SLC7A14: variants seen among roughly 807,000 people sequenced by gnomAD.
The protein encoded by SLC7A14 is gamma-aminobutyric acid transporter SLC7A14.
In SLC7A14, 37 loss-of-function variants were observed where a neutral mutation model predicts 60.2. The ratio of observed to expected loss-of-function variants is 0.61; its 90% CI spans 0.47 to 0.81. SLC7A14 has a LOEUF of 0.81. Among genes scored for constraint, SLC7A14 ranks in the 30% least tolerant of loss-of-function variants. The probability of loss-of-function intolerance (pLI) is 0.00; values close to 1 mark genes in which losing one functional copy is unlikely to be tolerated. For missense variants in SLC7A14, 886 were observed against 982.7 expected (o/e 0.90, Z 1.32); for synonymous variants, 399 against 395.8 (o/e 1.01, Z -0.10).
chr3:170,483,568 A>G, intron 5 of SLC7A14, 46 bp from the exon 6 acceptor site: 1 of 1,605,158 alleles, frequency 6.2e-7, no homozygotes, highest in Non-Finnish European at 8.5e-7. Context: ...GGGGAAGAAC[A>G]GCATGGATAG....
chr3:170,579,570 G>A (rs965941500), intron 1 of SLC7A14, among the ~76,000 whole-genome samples: 1 of 152,216 alleles, frequency 6.6e-6, no homozygotes, highest in African/African-American at 2.4e-5. Context: ...AATAGAATGA[G>A]CTGTTTTTCT....
chr3:170,511,629 A>G (rs1468835246), intron 2 of SLC7A14, among the ~76,000 whole-genome samples: 1 of 152,180 alleles, frequency 6.6e-6, no homozygotes, highest in African/African-American at 2.4e-5. Context: ...GGAATCCCAG[A>G]GAGCTTTACT....
chr3:170,552,891 C>G (rs77661332), intron 1 of SLC7A14, among the ~76,000 whole-genome samples: 163 of 152,296 alleles, frequency 1.1e-3, no homozygotes, highest in Non-Finnish European at 2.0e-3. Flanking sequence ...AGCTTGATCA[C>G]CTTCCAAATC....
rs1460955564 is a variant in SLC7A14 at position 170,540,406 on chromosome 3, A to G, written c.-152-13318T>C. On this transcript the variant is annotated intron_variant, in intron 1 of 7. Coordinates refer to ENST00000231706, the MANE Select transcript of SLC7A14 (RefSeq NM_020949.3). ...AATCAGAGCAGTGAAAATCTCATAAATCATAGAGGATGCAACATAAAAGGT... is the reference window on the plus strand; with the variant it reads ...AATCAGAGCAGTGAAAATCTCATAAGTCATAGAGGATGCAACATAAAAGGT... 4.6e-5 allele frequency among the ~76,000 whole-genome samples: 7 copies of G among 151,908 alleles called. No individual in the cohort carries two copies. In the South Asian group the frequency reaches 1.5e-3, roughly 32 times the overall value.
intron 1 of SLC7A14, among the ~76,000 whole-genome samples, chr3:170,559,231 AT>A (rs538044392): frequency 1.3e-5 from 2 of 152,084 alleles, no homozygotes; most frequent in Non-Finnish European, 1.5e-5. Flanking sequence ...TATAAAATGT[AT>A]TTTTTTTCTG....
chr3:170,572,350 C>A (rs534926632), intron 1 of SLC7A14, among the ~76,000 whole-genome samples: 146 of 152,224 alleles, frequency 9.6e-4, no homozygotes, highest in African/African-American at 3.3e-3. Context: ...GAACTTGGGC[C>A]AGTCATTCAA....
At chr3:170,498,624 CAG>C in intron 4 of SLC7A14, 41 bp downstream of exon 4, 1 of 1,588,434 alleles carries the variant, frequency 6.3e-7, no homozygotes, top group East Asian at 2.2e-5. Context: ...GGGTAGAAGG[CAG>C]AGTGTGTGAC....
At chr3:170,505,450 A>G (rs1235910671) in intron 2 of SLC7A14, among the ~76,000 whole-genome samples, 1 of 152,164 alleles carries the variant, frequency 6.6e-6, no homozygotes, top group Non-Finnish European at 1.5e-5. Context: ...CACACTCAGG[A>G]CATATTTATT....
At chr3:170,573,197 G>T (rs1045767866) in intron 1 of SLC7A14, among the ~76,000 whole-genome samples, 4 of 152,170 alleles carry the variant, frequency 2.6e-5, no homozygotes, top group African/African-American at 9.7e-5. Context: ...AACAGAATTA[G>T]CACAAAATAC....
intron 1 of SLC7A14, among the ~76,000 whole-genome samples, chr3:170,542,295 T>C (rs2108300554): frequency 6.6e-6 from 1 of 152,348 alleles, no homozygotes; most frequent in Middle Eastern, 3.4e-3. Context: ...TCTCCTCTCA[T>C]TGACTCTCCC....
intron 1 of SLC7A14, among the ~76,000 whole-genome samples, chr3:170,538,781 T>A (rs996504282): frequency 2.0e-5 from 3 of 152,202 alleles, no homozygotes; most frequent in Admixed American, 6.5e-5. Context: ...AAGAAGTGAG[T>A]GACCATCCAA....
At chr3:170,582,118 G>A (rs1167577958) in intron 1 of SLC7A14, among the ~76,000 whole-genome samples, 1 of 152,148 alleles carries the variant, frequency 6.6e-6, no homozygotes, top group African/African-American at 2.4e-5. Context: ...AGTAAGACAT[G>A]CACACTCCTT....
chr3:170,488,409 C>G (rs1712105602), intron 4 of SLC7A14, among the ~76,000 whole-genome samples: 1 of 152,004 alleles, frequency 6.6e-6, no homozygotes, highest in African/African-American at 2.4e-5. Context: ...TAGATCTCAC[C>G]TCATCATACA....
intron 4 of SLC7A14, among the ~76,000 whole-genome samples, chr3:170,490,416 A>G (rs1265876048): frequency 6.6e-6 from 1 of 152,236 alleles, no homozygotes; most frequent in Non-Finnish European, 1.5e-5. Flanking sequence ...ACATGCATAC[A>G]TACCCTCCTC....
rs1052854480 is a variant in SLC7A14 at position 170,585,508 on chromosome 3, G to C, written c.-153+403C>G. Among the ~76,000 whole-genome samples the C allele has an allele frequency of 6.6e-6, 1 of 152,150 alleles. No individual in the cohort carries two copies. The highest frequency in any genetic ancestry group is 2.4e-5 in the African/African-American group (1 of 41,448). On this transcript the variant is annotated intron_variant, in intron 1 of 7. Transcript: ENST00000231706. This position sits in a 1 kb window ranked among gnomAD's most constrained non-coding sequence, Gnocchi z 5.1. ...GCCCGTGCGGGGTGCGCGCCAAGGCGGGGGACAGGACGGGCCCGGCGTCTG... is the reference window on the plus strand; with the variant it reads ...GCCCGTGCGGGGTGCGCGCCAAGGCCGGGGACAGGACGGGCCCGGCGTCTG...
chr3:170,469,560 C>T (rs1340081344), intron 7 of SLC7A14, among the ~76,000 whole-genome samples: 1 of 152,212 alleles, frequency 6.6e-6, no homozygotes, highest in East Asian at 1.9e-4. Context: ...CACATTAAGG[C>T]CTCTTCTAAG....
intron 1 of SLC7A14, among the ~76,000 whole-genome samples, chr3:170,540,017 G>A (rs1019457010): frequency 1.2e-4 from 18 of 152,076 alleles, no homozygotes; most frequent in African/African-American, 4.3e-4. Context: ...ATGTACAGTC[G>A]ATCTGATAAC....
intron 1 of SLC7A14, among the ~76,000 whole-genome samples, chr3:170,548,843 C>G (rs970707334): frequency 1.3e-4 from 20 of 152,148 alleles, no homozygotes; most frequent in Admixed American, 1.3e-4. Context: ...TTATAGCACT[C>G]TGCACTTTTC....
At chr3:170,566,896 C>G (rs371963582) in intron 1 of SLC7A14, among the ~76,000 whole-genome samples, 1 of 151,854 alleles carries the variant, frequency 6.6e-6, no homozygotes, top group Admixed American at 6.6e-5. Flanking sequence ...ACATTTAAAG[C>G]GAAGTTGAAA....
Sources: allele counts gnomAD v4.1 joint callset (sites outside exome capture counted in the v4.1 genomes callset), GRCh38; gene constraint gnomAD v4.1.1; non-coding constraint Gnocchi (gnomAD v3.1); transcripts MANE v1.5; gene names NCBI Gene and HGNC (gene_info 2026-07-23, HGNC 2026-07-21).